The following RUNX1 variants were observed in gnomAD, a reference collection of about 807,000 sequenced individuals.
RUNX1 encodes the protein RUNX family transcription factor 1.
In RUNX1, 19 loss-of-function variants were observed where a neutral mutation model predicts 42.8. The ratio of observed to expected loss-of-function variants is 0.44; its 90% CI spans 0.31 to 0.65. The LOEUF (loss-of-function observed/expected upper bound fraction) is 0.65. RUNX1 is among the 30% of genes least tolerant of loss of function. RUNX1 has a pLI of 0.07. For missense variants in RUNX1, 528 were observed against 672.0 expected, an observed-to-expected ratio of 0.79 and a Z score of 2.37; for synonymous variants, 271 against 289.4, an observed-to-expected ratio of 0.94 and a Z score of 0.64.
rs2058230849 is a variant in RUNX1, at chr21:34,907,389, G to C, written c.59-14426C>G. Among the ~76,000 whole-genome samples the C allele has an allele frequency of 6.6e-6, 1 of 152,190 alleles. No individual in the cohort carries two copies. The highest frequency in any genetic ancestry group is 2.4e-5 in the African/African-American group (1 of 41,446). On this transcript the variant is annotated intron_variant, in intron 2 of 8. Transcript: ENST00000675419. This position sits in a 1 kb window ranked among gnomAD's most constrained non-coding sequence, Gnocchi z 5.3. ...AAAAGCAAGGTAAGAAGAAGAAATA[G>C]AACAGAATAACTGGAAAATAGAGTG...
At chr21:34,822,226 TC>T (rs1474731696) in intron 7 of RUNX1, among the ~76,000 whole-genome samples, 1 of 152,088 alleles carries the variant, frequency 6.6e-6, no homozygotes, top group Admixed American at 6.5e-5. Context: ...CAGTGCTGGG[TC>T]ACGTGAAAAC....
At chr21:35,029,089 G>A (rs1220431685) in intron 2 of RUNX1, among the ~76,000 whole-genome samples, 1 of 152,116 alleles carries the variant, frequency 6.6e-6, no homozygotes, top group Non-Finnish European at 1.5e-5. Flanking sequence ...GCCTAGTGAT[G>A]GAGCTCTTGG....
intron 2 of RUNX1, among the ~76,000 whole-genome samples, chr21:35,002,428 T>TA (rs1460045976): frequency 6.7e-6 from 1 of 149,230 alleles, no homozygotes; most frequent in Non-Finnish European, 1.5e-5. Flanking sequence ...ATTTATTTAT[T>TA]ATTTATTTAT....
At chr21:35,029,952 A>C (rs2059261895) in intron 2 of RUNX1, among the ~76,000 whole-genome samples, 1 of 152,234 alleles carries the variant, frequency 6.6e-6, no homozygotes, top group Non-Finnish European at 1.5e-5. Flanking sequence ...ATGTTAGTAC[A>C]GTCCCCTCTA....
At chr21:34,894,647 T>A (rs1465093405) in intron 2 of RUNX1, among the ~76,000 whole-genome samples, 2 of 152,122 alleles carry the variant, frequency 1.3e-5, no homozygotes, top group Non-Finnish European at 2.9e-5. Context: ...ATGAATCTGG[T>A]AGCCCATCCT....
chr21:34,875,875 A>G (rs2057806472), intron 5 of RUNX1, among the ~76,000 whole-genome samples: 1 of 152,244 alleles, frequency 6.6e-6, no homozygotes, highest in African/African-American at 2.4e-5. Flanking sequence ...CAAATAATGT[A>G]GAATAATTTA....
intron 2 of RUNX1, among the ~76,000 whole-genome samples, chr21:34,957,842 C>T (rs899877325): frequency 3.9e-5 from 6 of 152,106 alleles, no homozygotes; most frequent in African/African-American, 1.4e-4. Context: ...GTCCGGCTAT[C>T]GGCACATGTA....
chr21:34,913,730 T>C (rs2058290661), intron 2 of RUNX1, among the ~76,000 whole-genome samples: 1 of 152,206 alleles, frequency 6.6e-6, no homozygotes, highest in Non-Finnish European at 1.5e-5. Context: ...TTCTTAAAAG[T>C]AATTAATTGA....
chr21:34,891,707 T>TAAA (rs200304107), intron 3 of RUNX1, among the ~76,000 whole-genome samples: 77 of 147,802 alleles, frequency 5.2e-4, no homozygotes, highest in Non-Finnish European at 6.9e-4. Flanking sequence ...AATGCAAAAT[T>TAAA]AAAAAAAAAA....
intron 2 of RUNX1, among the ~76,000 whole-genome samples, chr21:34,927,964 T>C (rs1005786313): frequency 6.6e-5 from 10 of 152,232 alleles, no homozygotes; most frequent in Non-Finnish European, 8.8e-5. Context: ...CTATTTATCA[T>C]ACCAAATTAA....
intron 6 of RUNX1, among the ~76,000 whole-genome samples, chr21:34,848,775 T>C (rs2268287): frequency 0.63 from 95,790 of 152,010 alleles, 31,241 homozygotes; most frequent in African/African-American, 0.81. Context: ...GCCTGGCGAG[T>C]AGTGTCCGAG....
chr21:34,968,115 GT>G (rs2058734661), intron 2 of RUNX1, among the ~76,000 whole-genome samples: 1 of 152,206 alleles, frequency 6.6e-6, no homozygotes, highest in South Asian at 2.1e-4. Flanking sequence ...TTGCAGAGTT[GT>G]TTAGATCCAG....
intron 2 of RUNX1, among the ~76,000 whole-genome samples, chr21:34,990,470 G>T (rs1001555849): frequency 2.0e-5 from 3 of 152,116 alleles, no homozygotes; most frequent in Admixed American, 2.0e-4. Context: ...GGGGAAAAAT[G>T]AGCCAGTGCA....
chr21:34,839,300 C>G, intron 6 of RUNX1, among the ~76,000 whole-genome samples: 1 of 150,332 alleles, frequency 6.7e-6, no homozygotes, highest in Non-Finnish European at 1.5e-5. Context: ...CACCCACGGA[C>G]ACACACACTC....
intron 6 of RUNX1, chr21:34,859,262 T>C: frequency 1.7e-6 from 1 of 601,426 alleles, no homozygotes; most frequent in Non-Finnish European, 3.0e-6. Flanking sequence ...CCTTTTGCCC[T>C]CTAAAAGGAT....
chr21:34,811,169 GTTCT>G (rs1013187682), intron 7 of RUNX1, among the ~76,000 whole-genome samples: 8 of 152,202 alleles, frequency 5.3e-5, no homozygotes, highest in African/African-American at 1.2e-4. Flanking sequence ...AATGGCAACC[GTTCT>G]TTCTTTAAGA....
chr21:34,865,947 T>C (rs1441554737), intron 5 of RUNX1, among the ~76,000 whole-genome samples: 1 of 152,212 alleles, frequency 6.6e-6, no homozygotes, highest in Non-Finnish European at 1.5e-5. Context: ...AATCCTCCTA[T>C]AACACCCCGT....
chr21:34,812,064 G>C (rs947999170), intron 7 of RUNX1, among the ~76,000 whole-genome samples: 1 of 151,274 alleles, frequency 6.6e-6, no homozygotes, highest in Non-Finnish European at 1.5e-5. Flanking sequence ...TTGCCACCAA[G>C]CAACAGAGTG....
intron 2 of RUNX1, among the ~76,000 whole-genome samples, chr21:34,896,903 G>T (rs2058135282): frequency 6.6e-6 from 1 of 152,186 alleles, no homozygotes; most frequent in Non-Finnish European, 1.5e-5. Flanking sequence ...TGTAGGGAAG[G>T]AGAGAATGAA....
Sources: gnomAD v4.1 joint callset for allele counts (sites outside exome capture counted in the v4.1 genomes callset) on GRCh38, gnomAD v4.1.1 for gene constraint, Gnocchi (gnomAD v3.1) non-coding constraint, MANE v1.5 for transcripts, NCBI Gene and HGNC (gene_info 2026-07-23, HGNC 2026-07-21) for gene names.